The following CAPZB variants were observed in gnomAD, a reference collection of about 807,000 sequenced individuals.
CAPZB encodes the protein F-actin-capping protein subunit beta.
A neutral mutation model predicts 38.1 loss-of-function variants in CAPZB; 2 were observed. That is an observed-to-expected ratio of 0.05 (90% CI 0.02 to 0.17). The LOEUF is 0.17. CAPZB is among the 10% of genes least tolerant of loss of function. The pLI, the probability that CAPZB is intolerant of heterozygous loss-of-function variation, is 1.00. For missense variants in CAPZB, 161 were observed against 334.2 expected (o/e 0.48, Z 4.04); for synonymous variants, 107 against 127.4 (o/e 0.84, Z 1.08).
At chr1:19,426,040 G>A (rs979490745) in intron 1 of CAPZB, among the ~76,000 whole-genome samples, 1 of 152,240 alleles carries the variant, frequency 6.6e-6, no homozygotes, top group Non-Finnish European at 1.5e-5. Flanking sequence ...GGTGCAGCAG[G>A]CTAAGGAGAG....
chr1:19,351,726 A>ATCTCTC (rs962067554), intron 6 of CAPZB, among the ~76,000 whole-genome samples: 11 of 152,122 alleles, frequency 7.2e-5, no homozygotes, highest in Non-Finnish European at 1.3e-4. Flanking sequence ...CTTTTATGAG[A>ATCTCTC]TCTCTCTGCT....
At chr1:19,345,400 T>A (rs2093954878) in intron 6 of CAPZB, 148 bp from the exon 7 acceptor site, 1 of 671,012 alleles carries the variant, frequency 1.5e-6, no homozygotes, top group South Asian at 1.7e-5. Context: ...TTTTGCAGCC[T>A]GGGAACTGAA....
At chr1:19,359,210 CTTT>C (rs57251931) in intron 4 of CAPZB, among the ~76,000 whole-genome samples, 20,290 of 114,194 alleles carry the variant, frequency 0.18, 1,100 homozygotes, top group African/African-American at 0.25. Flanking sequence ...TCTCTGTACT[CTTT>C]TTTTTTTTTT....
intron 1 of CAPZB, among the ~76,000 whole-genome samples, chr1:19,472,722 T>C (rs1570366418): frequency 7.4e-6 from 1 of 135,868 alleles, no homozygotes; most frequent in South Asian, 2.5e-4. Context: ...TTTTTTTTTT[T>C]TTTTTTTTTT....
At chr1:19,448,350 C>T (rs976205418) in intron 1 of CAPZB, among the ~76,000 whole-genome samples, 1 of 152,188 alleles carries the variant, frequency 6.6e-6, no homozygotes, top group South Asian at 2.1e-4. Context: ...TTCGGGAGAG[C>T]ATTTGATTAA....
chr1:19,462,835 T>C lies in CAPZB; in HGVS notation c.3+22601A>G, dbSNP rs78177115. ...CCTTCGATAATTTCAATTTATCAAA[T>C]TGAATTCACTGATACTGAAATTTCA... is the stretch of plus-strand genomic sequence containing the variant. On this transcript the variant is annotated intron_variant, in intron 1 of 8. Transcript: ENST00000264202. Among the ~76,000 whole-genome samples, 1,117 of 152,286 alleles carry C rather than the reference T, an allele frequency of 7.3e-3. 11 individuals carry two copies. Among genetic ancestry groups the C allele is most frequent in the African/African-American group, 0.026 (1,071 of 41,560 alleles).
intron 7 of CAPZB, 86 bp from the exon 8 acceptor site, chr1:19,344,520 C>T: frequency 1.9e-6 from 2 of 1,032,666 alleles, no homozygotes; most frequent in Non-Finnish European, 3.1e-6. Context: ...CCCTGCAGTC[C>T]CCAGTGTGGC....
chr1:19,416,081 G>A (rs1172741260), intron 2 of CAPZB, among the ~76,000 whole-genome samples: 7 of 152,238 alleles, frequency 4.6e-5, no homozygotes, highest in African/African-American at 4.8e-5. Flanking sequence ...CTCTCAGGCC[G>A]TCCCGAGGCA....
At chr1:19,444,419 A>G (rs1180042667) in intron 1 of CAPZB, among the ~76,000 whole-genome samples, 1 of 152,172 alleles carries the variant, frequency 6.6e-6, no homozygotes, top group Non-Finnish European at 1.5e-5. Flanking sequence ...TCTTAAAACA[A>G]TGAAAACATT....
intron 2 of CAPZB, among the ~76,000 whole-genome samples, chr1:19,404,293 C>G (rs886482014): frequency 1.6e-4 from 24 of 147,572 alleles, no homozygotes; most frequent in African/African-American, 6.0e-4. Context: ...CCTGTAATCT[C>G]AGCACTTTGG....
chr1:19,452,414 G>A (rs1395202426), intron 1 of CAPZB, among the ~76,000 whole-genome samples: 1 of 152,192 alleles, frequency 6.6e-6, no homozygotes, highest in African/African-American at 2.4e-5. Context: ...CGGCACAGTG[G>A]TCGGCTCATA....
intron 2 of CAPZB, among the ~76,000 whole-genome samples, chr1:19,400,954 G>C (rs941612752): frequency 6.6e-6 from 1 of 152,086 alleles, no homozygotes; most frequent in African/African-American, 2.4e-5. Flanking sequence ...TTGTAGCACT[G>C]TTGCACATTG....
intron 1 of CAPZB, among the ~76,000 whole-genome samples, chr1:19,464,909 G>A (rs1020059225): frequency 6.6e-6 from 1 of 152,170 alleles, no homozygotes; most frequent in African/African-American, 2.4e-5. Context: ...GGGGAAAAGG[G>A]CCAAAGGGGC....
chr1:19,398,581 CAA>C (rs565163323), intron 2 of CAPZB, among the ~76,000 whole-genome samples: 15 of 152,288 alleles, frequency 9.8e-5, no homozygotes, highest in Middle Eastern at 3.4e-3. Flanking sequence ...GTTCTCAGCA[CAA>C]AAGTCACCCA....
Position 19,359,071 on chromosome 1 carries a change from ACCTG to A in CAPZB, c.330-1512_330-1509del, listed in dbSNP as rs564212843. Among the ~76,000 whole-genome samples the A allele has an allele frequency of 1.2e-3, 188 of 152,328 alleles. 1 individual carries two copies. Among genetic ancestry groups the A allele is most frequent in the African/African-American group, 4.3e-3 (179 of 41,582 alleles). On this transcript the variant is annotated intron_variant, in intron 4 of 8. Transcript: ENST00000264202. ...ACAAAAACAATTAGGAAAAGTAGAC[ACCTG>A]CCAAACGGTTAATGTAAAATTAAGT... is the stretch of plus-strand genomic sequence containing the variant.
chr1:19,463,402 T>C (rs1374215130), intron 1 of CAPZB, among the ~76,000 whole-genome samples: 2 of 152,246 alleles, frequency 1.3e-5, no homozygotes, highest in Non-Finnish European at 2.9e-5. Flanking sequence ...CGGCTGCTTC[T>C]GCAAAACACC....
intron 1 of CAPZB, among the ~76,000 whole-genome samples, chr1:19,476,208 ATAGATAGATAGATAGATAG>A (rs1360622129): frequency 0.032 from 4,566 of 142,438 alleles, 170 homozygotes; most frequent in East Asian, 0.11. Context: ...AGATAGATAG[ATAGATAGATAGATAGATAG>A]GCAGGCAGGC....
chr1:19,348,003 T>C (rs1280869975), intron 6 of CAPZB, among the ~76,000 whole-genome samples: 1 of 152,238 alleles, frequency 6.6e-6, no homozygotes, highest in East Asian at 1.9e-4. Flanking sequence ...AAACAGTTCC[T>C]ATGAAGAGAC....
intron 6 of CAPZB, among the ~76,000 whole-genome samples, chr1:19,349,135 C>G (rs1247404685): frequency 6.6e-6 from 1 of 152,194 alleles, no homozygotes; most frequent in Non-Finnish European, 1.5e-5. Context: ...ACCCTGGTGC[C>G]AAGACGACGG....
Sources: allele counts gnomAD v4.1 joint callset (sites outside exome capture counted in the v4.1 genomes callset), GRCh38; gene constraint gnomAD v4.1.1; transcripts MANE v1.5; gene names NCBI Gene and HGNC (gene_info 2026-07-23, HGNC 2026-07-21).